CHL1: variants seen among roughly 807,000 people sequenced by gnomAD.
CHL1 encodes cell adhesion molecule L1 like, also known as neural cell adhesion molecule L1-like protein.
CHL1 carries 96 observed loss-of-function variants against 141.9 expected under a neutral mutation model. The ratio of observed to expected loss-of-function variants is 0.68; its 90% CI spans 0.57 to 0.80. The LOEUF (loss-of-function observed/expected upper bound fraction) is 0.80, where lower values mean the gene tolerates loss of function less well. CHL1 is among the 30% of genes least tolerant of loss of function. The probability of loss-of-function intolerance (pLI) is 0.00; values close to 1 mark genes in which losing one functional copy is unlikely to be tolerated. For missense variants in CHL1, 1,820 were observed against 1,457.2 expected, an observed-to-expected ratio of 1.25 and a Z score of -4.05; for synonymous variants, 613 against 502.2, an observed-to-expected ratio of 1.22 and a Z score of -2.95.
intron 5 of CHL1, among the ~76,000 whole-genome samples, chr3:338,624 T>G (rs1702122592): frequency 6.6e-6 from 1 of 152,250 alleles, no homozygotes; most frequent in Non-Finnish European, 1.5e-5. Context: ...GCCATTTATA[T>G]ATCTTCTAAA....
In CHL1 at chr3:405,641, C is replaced by T; in HGVS notation, c.3605C>T (p.Ala1202Val). 2 of 1,613,530 alleles carry T rather than the reference C, an allele frequency of 1.2e-6. No homozygotes were observed. The highest frequency in any genetic ancestry group is 1.7e-6 in the Non-Finnish European group (2 of 1,179,596). Residue 1202 changes from alanine (A) to valine (V), a missense_variant, in exon 28 of 28, where the codon GCT becomes GTT. By Grantham distance (64) the Ala-to-Val change is moderately conservative. Coordinates refer to ENST00000256509, the MANE Select transcript of CHL1 (RefSeq NM_006614.4). ...GATGGATCATTTATTGGTGCCTACG[C>T]TGGATCTAAGGAGAAGGGATCTGTT... Reference protein sequence around the residue: ...SEDGSFIGAYAGSKEKGSVES... With the variant: ...SEDGSFIGAYVGSKEKGSVES...
At chr3:360,552 A>G in intron 12 of CHL1, 128 bp downstream of exon 12, 1 of 947,120 alleles carries the variant, frequency 1.1e-6, no homozygotes. Context: ...TTTTCACCAT[A>G]CATTTGAGTT....
chr3:361,306 C>A lies in CHL1; in HGVS notation c.1307-393C>A, dbSNP rs1422079237. Among the ~76,000 whole-genome samples, 19 of 145,272 alleles carry A rather than the reference C, an allele frequency of 1.3e-4. No individual in the cohort carries two copies. In the Admixed American group the frequency reaches 1.4e-3, roughly 10 times the overall value. On this transcript the variant is annotated intron_variant, in intron 12 of 27. Coordinates refer to ENST00000256509, the MANE Select transcript of CHL1 (RefSeq NM_006614.4). ...TAGGCATTACCATTCAGGACATAGG[C>A]ATGGGCAAGGACTTCATGTCTAAAA...
intron 2 of CHL1, among the ~76,000 whole-genome samples, chr3:260,942 A>G (rs1694659453): frequency 6.6e-6 from 1 of 152,188 alleles, no homozygotes; most frequent in African/African-American, 2.4e-5. Flanking sequence ...TTTTTTGGAC[A>G]GTTTGAGAAG....
intron 2 of CHL1, among the ~76,000 whole-genome samples, chr3:294,843 G>A (rs1368429136): frequency 1.3e-5 from 2 of 152,148 alleles, no homozygotes; most frequent in East Asian, 1.9e-4. Flanking sequence ...GGCAATACAT[G>A]CCTAATTGGC....
rs895422783 is a variant in CHL1, at chr3:408,081, C to T, written c.*2370C>T. Reference sequence around the variant, plus strand: ...TCATATATTTTATGAATCAGAATAACCTTCAAATAAAATAAATCTAAGTCG... The same window carrying T: ...TCATATATTTTATGAATCAGAATAATCTTCAAATAAAATAAATCTAAGTCG... On this transcript the variant is annotated 3_prime_UTR_variant, in exon 28 of 28. Coordinates refer to ENST00000256509, the MANE Select transcript of CHL1 (RefSeq NM_006614.4). 1.3e-5 allele frequency: 2 copies of T among 151,966 alleles called. No homozygotes were observed. Among genetic ancestry groups the T allele is most frequent in the Admixed American group, 1.3e-4 (2 of 15,226 alleles). The allele number at this position is 151,966 out of a possible 1,614,324, so 9.4% of individuals were successfully genotyped here.
chr3:204,715 G>A (rs535913316), intron 1 of CHL1, among the ~76,000 whole-genome samples: 73 of 152,198 alleles, frequency 4.8e-4, no homozygotes, highest in African/African-American at 1.7e-3. Context: ...AGGTTCAGGG[G>A]GAAGATAAAT....
At chr3:268,785 A>G (rs1267821307) in intron 2 of CHL1, among the ~76,000 whole-genome samples, 1 of 152,210 alleles carries the variant, frequency 6.6e-6, no homozygotes, top group Non-Finnish European at 1.5e-5. Context: ...AATTATTTAG[A>G]TTTGAGTTCA....
At chr3:324,368 GAA>G (rs1700833163) in intron 3 of CHL1, among the ~76,000 whole-genome samples, 1 of 151,958 alleles carries the variant, frequency 6.6e-6, no homozygotes, top group Admixed American at 6.6e-5. Context: ...ATTTCCTTGT[GAA>G]TCAACCCTGT....
chr3:258,870 T>C (rs1369001893), intron 2 of CHL1, among the ~76,000 whole-genome samples: 2 of 148,600 alleles, frequency 1.3e-5, no homozygotes. Context: ...TAAGTCCCCT[T>C]TTTTTTTTTA....
intron 16 of CHL1, among the ~76,000 whole-genome samples, chr3:378,490 T>C (rs1706624832): frequency 1.3e-5 from 2 of 152,222 alleles, no homozygotes; most frequent in Non-Finnish European, 1.5e-5. Context: ...ACTTCACTAG[T>C]ATAATCAATG....
At chr3:198,736 G>A (rs1698642022) in intron 1 of CHL1, among the ~76,000 whole-genome samples, 1 of 152,144 alleles carries the variant, frequency 6.6e-6, no homozygotes, top group African/African-American at 2.4e-5. Flanking sequence ...AATTACATAT[G>A]GTGCATTTTC....
chr3:337,950 C>G (rs1702049915), intron 5 of CHL1, among the ~76,000 whole-genome samples: 1 of 152,022 alleles, frequency 6.6e-6, no homozygotes, highest in Non-Finnish European at 1.5e-5. Context: ...ATAACACTGT[C>G]TTCCACAATG....
chr3:360,568 C>A, intron 12 of CHL1, 144 bp downstream of exon 12: 1 of 774,752 alleles, frequency 1.3e-6, no homozygotes, highest in Non-Finnish European at 2.0e-6. Flanking sequence ...GAGTTTTAGA[C>A]TTCACACTGA....
intron 2 of CHL1, among the ~76,000 whole-genome samples, chr3:307,971 A>G (rs938115358): frequency 6.6e-5 from 10 of 152,230 alleles, no homozygotes; most frequent in Non-Finnish European, 1.0e-4. Flanking sequence ...ACTAAAACCT[A>G]TGAATATGGT....
At position 213,897 on chromosome 3, in the gene CHL1, GA is replaced by G. The variant is rs199729902; in HGVS notation, c.-175+16841del. ...ACCATTTGAAAAAACTTTCTGATGT[GA>G]AAAAAATGTGATTTAAATACCTGTC... On this transcript the variant is annotated intron_variant, in intron 1 of 27. Coordinates refer to ENST00000256509, the MANE Select transcript of CHL1 (RefSeq NM_006614.4). 7.8e-3 allele frequency among the ~76,000 whole-genome samples: 1,194 copies of G among 152,118 alleles called. 13 individuals are homozygous for G. Among genetic ancestry groups the G allele is most frequent in the African/African-American group, 0.028 (1,150 of 41,518 alleles).
chr3:342,870 T>C (rs374879968), intron 7 of CHL1, 114 bp from the exon 8 acceptor site: 1 of 700,382 alleles, frequency 1.4e-6, no homozygotes, highest in African/African-American at 1.8e-5. Context: ...TAGTGAAGCA[T>C]GGTTCTACAT....
Position 221,587 on chromosome 3 carries a change from A to T in CHL1, c.-174-23026A>T, listed in dbSNP as rs577912119. On this transcript the variant is annotated intron_variant, in intron 1 of 27. Coordinates refer to ENST00000256509, the MANE Select transcript of CHL1 (RefSeq NM_006614.4). Reference sequence around the variant, plus strand: ...AAAAAGTCAACCCAGTTAGTTCCTTAAAAGAGGAAAAGTAGAGGGAATTCG... The same window carrying T: ...AAAAAGTCAACCCAGTTAGTTCCTTTAAAGAGGAAAAGTAGAGGGAATTCG... Among the ~76,000 whole-genome samples, 6 of 152,304 alleles carry T rather than the reference A, an allele frequency of 3.9e-5. No homozygotes were observed. In the East Asian group the frequency reaches 7.7e-4, roughly 20 times the overall value.
At chr3:403,577 CA>C (rs1175125303) in intron 27 of CHL1, among the ~76,000 whole-genome samples, 1 of 151,928 alleles carries the variant, frequency 6.6e-6, no homozygotes, top group East Asian at 1.9e-4. Context: ...AACAAACAAA[CA>C]AGCAAAAAAA....
Sources: allele counts gnomAD v4.1 joint callset (sites outside exome capture counted in the v4.1 genomes callset), GRCh38; gene constraint gnomAD v4.1.1; transcripts MANE v1.5; gene names NCBI Gene and HGNC (gene_info 2026-07-23, HGNC 2026-07-21).